DLGAP1: variants seen among roughly 807,000 people sequenced by gnomAD.
The protein encoded by DLGAP1 is DLG associated protein 1.
In DLGAP1, 11 loss-of-function variants were observed where a neutral mutation model predicts 90.8. The observed-to-expected ratio is 0.12, with a 90% CI of 0.08 to 0.20. DLGAP1 has a LOEUF of 0.20. Ranked by LOEUF, DLGAP1 falls within the 10% of genes least tolerant of loss-of-function variation. DLGAP1 has a pLI of 1.00. For missense variants in DLGAP1, 1,050 were observed against 1,333.8 expected (o/e 0.79, Z 3.31); for synonymous variants, 558 against 540.7 (o/e 1.03, Z -0.44).
intron 3 of DLGAP1, among the ~76,000 whole-genome samples, chr18:3,914,179 A>C (rs2072093514): frequency 6.6e-6 from 1 of 152,152 alleles, no homozygotes; most frequent in African/African-American, 2.4e-5. Flanking sequence ...TGTCTAACTG[A>C]AACTTTGTAT....
intron 3 of DLGAP1, among the ~76,000 whole-genome samples, chr18:3,927,131 T>G (rs772619050): frequency 6.6e-6 from 1 of 152,190 alleles, no homozygotes; most frequent in Non-Finnish European, 1.5e-5. Context: ...AACAAATGAA[T>G]GTAGAATAGT....
intron 1 of DLGAP1, among the ~76,000 whole-genome samples, chr18:4,238,788 A>G (rs1156605395): frequency 1.3e-5 from 2 of 152,194 alleles, no homozygotes; most frequent in African/African-American, 4.8e-5. Flanking sequence ...GGTGCCCTTT[A>G]GGCAAAGATC....
intron 5 of DLGAP1, among the ~76,000 whole-genome samples, chr18:3,787,819 C>A (rs143355820): frequency 6.6e-6 from 1 of 152,172 alleles, no homozygotes; most frequent in South Asian, 2.1e-4. Flanking sequence ...TCTGACCCCC[C>A]GCCCCAAGCT....
rs71368742 is a variant in DLGAP1, at chr18:4,348,400, A to ATGTGTATGTGTGTG, written c.-267+106605_-267+106606insCACACACATACACA. Among the ~76,000 whole-genome samples, 585 of 133,552 alleles carry ATGTGTATGTGTGTG rather than the reference A, an allele frequency of 4.4e-3. 13 individuals carry two copies. Among genetic ancestry groups the ATGTGTATGTGTGTG allele is most frequent in the African/African-American group, 0.017 (558 of 32,706 alleles). 87.6% of individuals were successfully genotyped at this position (133,552 alleles called of 152,430 possible). On this transcript the variant is annotated intron_variant, in intron 1 of 12. Coordinates refer to ENST00000315677, the MANE Select transcript of DLGAP1 (RefSeq NM_004746.4). ...CAGGTGCCTCAGGATGAACTCAGGA[A>ATGTGTATGTGTGTG]TGTGTGTGTGTGTGTGTGTGTGTGT...
intron 1 of DLGAP1, among the ~76,000 whole-genome samples, chr18:4,391,493 T>C (rs960090942): frequency 8.5e-5 from 13 of 152,184 alleles, no homozygotes; most frequent in African/African-American, 2.9e-4. Context: ...TGCCGAGTAA[T>C]ATTCACCCCA....
rs72862117 is a variant in DLGAP1, at chr18:4,297,660, C to T, written c.-266-146373G>A. ...AATGTCTCCATTAAGATAGACAGCA[C>T]GGGAGAGATCTGGAGACAAGGCTCT... On this transcript the variant is annotated intron_variant, in intron 1 of 12. Transcript: ENST00000315677. 8.1e-3 allele frequency among the ~76,000 whole-genome samples: 1,226 copies of T among 152,240 alleles called. 10 individuals are homozygous for T. Among genetic ancestry groups the T allele is most frequent in the Middle Eastern group, 0.014 (4 of 294 alleles).
chr18:3,515,468 CAAAA>C (rs55870741), intron 10 of DLGAP1, among the ~76,000 whole-genome samples: 1 of 72,582 alleles, frequency 1.4e-5, no homozygotes, highest in South Asian at 5.9e-4. Flanking sequence ...GATTCCATCT[CAAAA>C]AAAAAAAAAA....
At chr18:4,419,448 T>C (rs1215449337) in intron 1 of DLGAP1, among the ~76,000 whole-genome samples, 1 of 151,966 alleles carries the variant, frequency 6.6e-6, no homozygotes, top group Non-Finnish European at 1.5e-5. Flanking sequence ...GCAGAAAGAA[T>C]ATGATAGCAA....
intron 1 of DLGAP1, among the ~76,000 whole-genome samples, chr18:4,414,187 A>C (rs1237283445): frequency 7.0e-6 from 1 of 142,914 alleles, no homozygotes; most frequent in African/African-American, 2.6e-5. Flanking sequence ...ACAAACATTC[A>C]ATAATATGGC....
chr18:3,771,534 G>T (rs373325552), intron 5 of DLGAP1: 121 of 152,410 alleles, frequency 7.9e-4, no homozygotes, highest in Middle Eastern at 3.4e-3. Context: ...TGAGGACTGC[G>T]CAGGACCGCC....
At chr18:3,987,362 G>T (rs1482886166) in intron 3 of DLGAP1, among the ~76,000 whole-genome samples, 3 of 152,128 alleles carry the variant, frequency 2.0e-5, no homozygotes, top group Admixed American at 2.0e-4. Flanking sequence ...CCAAAAAAAA[G>T]TTTGGAAAAC....
chr18:3,613,274 GA>G (rs999642159), intron 7 of DLGAP1, among the ~76,000 whole-genome samples: 3 of 151,170 alleles, frequency 2.0e-5, no homozygotes, highest in East Asian at 3.9e-4. Flanking sequence ...CCCTTCTCAG[GA>G]AAAAAAAAGT....
intron 1 of DLGAP1, among the ~76,000 whole-genome samples, chr18:4,376,788 T>A (rs1213877059): frequency 6.6e-6 from 1 of 152,110 alleles, no homozygotes; most frequent in Admixed American, 6.6e-5. Context: ...TTTAACAGAT[T>A]CATCAGGCGC....
chr18:3,843,010 C>G (rs1271815501), intron 4 of DLGAP1, among the ~76,000 whole-genome samples: 1 of 152,154 alleles, frequency 6.6e-6, no homozygotes. Flanking sequence ...TCTGTCAGGC[C>G]TTTTTGCAAT....
chr18:3,905,297 T>C (rs1599140879), intron 3 of DLGAP1, among the ~76,000 whole-genome samples: 1 of 131,094 alleles, frequency 7.6e-6, no homozygotes, highest in East Asian at 2.3e-4. Flanking sequence ...AACCCGGGAG[T>C]TGGAGCTTGC....
At chr18:3,509,995 C>T (rs1360735080) in intron 10 of DLGAP1, among the ~76,000 whole-genome samples, 1 of 152,182 alleles carries the variant, frequency 6.6e-6, no homozygotes, top group Non-Finnish European at 1.5e-5. Context: ...GAGGGGGTCT[C>T]CCTTGACAGC....
At chr18:3,802,929 C>T (rs1365910194) in intron 5 of DLGAP1, among the ~76,000 whole-genome samples, 3 of 152,156 alleles carry the variant, frequency 2.0e-5, no homozygotes, top group African/African-American at 7.2e-5. Context: ...TTGGAATCAT[C>T]TTTGAGGATC....
chr18:3,941,078 C>T (rs1023531689), intron 3 of DLGAP1, among the ~76,000 whole-genome samples: 2 of 152,110 alleles, frequency 1.3e-5, no homozygotes, highest in East Asian at 1.9e-4. Flanking sequence ...CGTTTTCCTC[C>T]CTTGTTGGAA....
At chr18:3,927,535 C>T (rs1034943466) in intron 3 of DLGAP1, among the ~76,000 whole-genome samples, 6 of 152,142 alleles carry the variant, frequency 3.9e-5, no homozygotes, top group Non-Finnish European at 7.4e-5. Flanking sequence ...GAGTAACTGG[C>T]TGCAATTTTC....
Sources: gnomAD v4.1 joint callset for allele counts (sites outside exome capture counted in the v4.1 genomes callset) on GRCh38, gnomAD v4.1.1 for gene constraint, MANE v1.5 for transcripts, NCBI Gene and HGNC (gene_info 2026-07-23, HGNC 2026-07-21) for gene names.